The following PAGE2B variants were observed in gnomAD, a reference collection of about 807,000 sequenced individuals.
PAGE2B encodes PAGE family member 2B, also known as putative G antigen family E member 3.
A neutral mutation model predicts 7.6 loss-of-function variants in PAGE2B; 5 were observed. The observed-to-expected ratio is 0.66, with a 90% CI of 0.34 to 1.38. The LOEUF (loss-of-function observed/expected upper bound fraction) is 1.38, where lower values mean the gene tolerates loss of function less well. Among genes scored for constraint, PAGE2B ranks in the 40% most tolerant of loss-of-function variants. The probability of loss-of-function intolerance (pLI) is 0.04; values close to 1 mark genes in which losing one functional copy is unlikely to be tolerated. For missense variants in PAGE2B, 70 were observed against 78.4 expected (o/e 0.89, Z 0.41); for synonymous variants, 29 against 26.7 (o/e 1.09, Z -0.27).
At chrX:55,063,249 A>G in the PAGE2B span, among the ~76,000 whole-genome samples, 763 of 111,121 alleles carry the variant, frequency 6.9e-3, 1 homozygote, top group Non-Finnish European at 0.011. Context: ...TTCTTGCATC[A>G]ATGTTTTATA....
the PAGE2B span, among the ~76,000 whole-genome samples, chrX:55,035,537 A>G: frequency 9.0e-6 from 1 of 111,327 alleles, no homozygotes; most frequent in Non-Finnish European, 1.9e-5. Context: ...TTGAGGGAGG[A>G]GGAAGAGTCT....
chrX:55,037,504 G>A, the PAGE2B span, among the ~76,000 whole-genome samples: 2 of 110,738 alleles, frequency 1.8e-5, no homozygotes, highest in Non-Finnish European at 3.8e-5. Context: ...CGATTCCTCA[G>A]GGATCTAGAA....
chrX:55,036,425 C>T, the PAGE2B span, among the ~76,000 whole-genome samples: 1 of 111,157 alleles, frequency 9.0e-6, no homozygotes, highest in Non-Finnish European at 1.9e-5. Flanking sequence ...CAGTATGATA[C>T]TGGCTGTGGG....
chrX:55,037,124 A>G, the PAGE2B span, among the ~76,000 whole-genome samples: 1 of 111,660 alleles, frequency 9.0e-6, no homozygotes, highest in African/African-American at 3.3e-5. Flanking sequence ...AACCTACAGA[A>G]TGGGAGAAAA....
At chrX:55,064,292 G>C in the PAGE2B span, among the ~76,000 whole-genome samples, 3 of 111,426 alleles carry the variant, frequency 2.7e-5, no homozygotes, top group African/African-American at 9.7e-5. Context: ...GAATGAATGT[G>C]TCTAGGAATT....
the PAGE2B span, among the ~76,000 whole-genome samples, chrX:55,068,173 G>T: frequency 8.9e-6 from 1 of 112,091 alleles, no homozygotes; most frequent in Non-Finnish European, 1.9e-5. Context: ...TTTCTTCTAG[G>T]GTTTTTATGG....
At chrX:55,077,753 C>G (rs1936539168) in intron 4 of PAGE2B, among the ~76,000 whole-genome samples, 1 of 112,652 alleles carries the variant, frequency 8.9e-6, no homozygotes, top group South Asian at 3.6e-4. Flanking sequence ...ACAGAAAGAT[C>G]ACTTGAGGCC....
chrX:55,040,289 C>G, the PAGE2B span, among the ~76,000 whole-genome samples: 1 of 109,701 alleles, frequency 9.1e-6, no homozygotes, highest in Non-Finnish European at 1.9e-5. Context: ...TATTCCTCCC[C>G]CCTCCCCCAC....
chrX:55,034,363 G>C, the PAGE2B span, among the ~76,000 whole-genome samples: 1 of 111,810 alleles, frequency 8.9e-6, no homozygotes, highest in Non-Finnish European at 1.9e-5. Flanking sequence ...TGGTAGCTGG[G>C]TTGTTCTTAG....
chrX:55,031,158 C>T, the PAGE2B span: 1 of 249,758 alleles, frequency 4.0e-6, no homozygotes, highest in African/African-American at 2.8e-5. Context: ...TCTGGCTCTT[C>T]CCTATTTTCT....
At chrX:55,075,973 T>A (rs1366181388) in intron 1 of PAGE2B, 61 bp from the exon 2 acceptor site, 2 of 1,015,928 alleles carry the variant, frequency 2.0e-6, no homozygotes, top group Non-Finnish European at 2.7e-6. Flanking sequence ...TGCCATGGAA[T>A]GTTCATATAT....
chrX:55,062,241 C>T, the PAGE2B span, among the ~76,000 whole-genome samples: 1 of 111,508 alleles, frequency 9.0e-6, no homozygotes, highest in African/African-American at 3.3e-5. Flanking sequence ...CCCTTTTCTC[C>T]ACATCCTCAC....
the PAGE2B span, among the ~76,000 whole-genome samples, chrX:55,047,820 T>A: frequency 1.8e-5 from 2 of 112,215 alleles, no homozygotes; most frequent in Non-Finnish European, 3.8e-5. Context: ...TTTAGTTGAA[T>A]TAGATCCCAT....
chrX:55,045,310 C>T, the PAGE2B span, among the ~76,000 whole-genome samples: 1 of 111,523 alleles, frequency 9.0e-6, no homozygotes, highest in Non-Finnish European at 1.9e-5. Context: ...CCAGGAAGAA[C>T]TGGCTGTTCA....
chrX:55,061,363 GATA>G, the PAGE2B span, among the ~76,000 whole-genome samples: 2 of 110,914 alleles, frequency 1.8e-5, no homozygotes, highest in Non-Finnish European at 3.8e-5. Context: ...CATAGTACCT[GATA>G]GGTAGTTTTT....
chrX:55,054,806 T>C, the PAGE2B span: 2 of 111,802 alleles, frequency 1.8e-5, no homozygotes, highest in Non-Finnish European at 3.8e-5. Context: ...TATTTGGTGA[T>C]GGTGGGGGCC....
At chrX:55,050,890 TTTC>T in the PAGE2B span, among the ~76,000 whole-genome samples, 1 of 111,962 alleles carries the variant, frequency 8.9e-6, no homozygotes, top group African/African-American at 3.2e-5. Flanking sequence ...GTTGATGCAG[TTTC>T]TTCTTAGCCT....
the PAGE2B span, among the ~76,000 whole-genome samples, chrX:55,057,411 A>G: frequency 1.8e-5 from 2 of 112,001 alleles, no homozygotes; most frequent in Non-Finnish European, 3.8e-5. Flanking sequence ...GTACATAGAT[A>G]TATAAATCCA....
At chrX:55,035,573 G>A in the PAGE2B span, among the ~76,000 whole-genome samples, 1 of 111,488 alleles carries the variant, frequency 9.0e-6, no homozygotes, top group Non-Finnish European at 1.9e-5. Flanking sequence ...GTCACTTTAT[G>A]GAAGATGAGA....
Sources: gnomAD v4.1 joint callset for allele counts (sites outside exome capture counted in the v4.1 genomes callset) on GRCh38, gnomAD v4.1.1 for gene constraint, MANE v1.5 for transcripts, NCBI Gene and HGNC (gene_info 2026-07-23, HGNC 2026-07-21) for gene names.